The following STIM1 variants were observed in gnomAD, a reference collection of about 807,000 sequenced individuals.
STIM1 encodes the protein stromal interaction molecule 1.
Under a neutral mutation model 74.7 loss-of-function variants are expected in STIM1, and 25 were observed. The observed-to-expected ratio is 0.33, with a 90% CI of 0.24 to 0.47. The LOEUF is 0.47. STIM1 is among the 20% of genes least tolerant of loss of function. The pLI, the probability that STIM1 is intolerant of heterozygous loss-of-function variation, is 1.00. For synonymous variants in STIM1, 328 were observed against 348.8 expected, an observed-to-expected ratio of 0.94 and a Z score of 0.66; for missense variants, 728 against 920.8, an observed-to-expected ratio of 0.79 and a Z score of 2.71.
At chr11:3,911,820 C>T (rs1172587195) in intron 1 of STIM1, among the ~76,000 whole-genome samples, 1 of 152,186 alleles carries the variant, frequency 6.6e-6, no homozygotes, top group African/African-American at 2.4e-5. Context: ...CTTTATATGT[C>T]TCAGTTATCT....
chr11:4,070,285 G>A, intron 6 of STIM1, 82 bp downstream of exon 6: 2 of 1,534,014 alleles, frequency 1.3e-6, no homozygotes, highest in Non-Finnish European at 1.8e-6. Flanking sequence ...GAGCCACTTG[G>A]CCCCTGAGAC....
At chr11:3,980,966 T>C (rs1435214121) in intron 2 of STIM1, among the ~76,000 whole-genome samples, 1 of 152,210 alleles carries the variant, frequency 6.6e-6, no homozygotes, top group Non-Finnish European at 1.5e-5. Flanking sequence ...TGAGAACTAC[T>C]GGCCTAGATT....
chr11:3,969,684 T>C (rs10835402), intron 2 of STIM1, among the ~76,000 whole-genome samples: 37,294 of 152,100 alleles, frequency 0.25, 5,680 homozygotes, highest in South Asian at 0.45. Context: ...AGCAAAGCTG[T>C]AGAGGTAGTA....
At chr11:3,983,089 G>T (rs1347262992) in intron 2 of STIM1, among the ~76,000 whole-genome samples, 1 of 152,044 alleles carries the variant, frequency 6.6e-6, no homozygotes, top group Non-Finnish European at 1.5e-5. Context: ...GCACCACCAC[G>T]CCTGGCTAAT....
intron 1 of STIM1, among the ~76,000 whole-genome samples, chr11:3,910,002 A>G (rs771463347): frequency 3.3e-5 from 5 of 152,120 alleles, no homozygotes; most frequent in Non-Finnish European, 7.4e-5. Flanking sequence ...AGGTGACAAA[A>G]TCATTCCCAG....
At chr11:3,897,211 C>A (rs1394698291) in intron 1 of STIM1, among the ~76,000 whole-genome samples, 1 of 152,152 alleles carries the variant, frequency 6.6e-6, no homozygotes, top group Admixed American at 6.5e-5. Flanking sequence ...CTTGTGGCAA[C>A]CAAATCTGGC....
chr11:3,908,552 C>T (rs2092506876), intron 1 of STIM1, among the ~76,000 whole-genome samples: 1 of 146,446 alleles, frequency 6.8e-6, no homozygotes, highest in East Asian at 2.0e-4. Context: ...GTGGAGCTTG[C>T]AGTAAGCTGA....
At chr11:4,023,782 T>TA in intron 2 of STIM1, 91 bp from the exon 3 acceptor site, 1 of 865,218 alleles carries the variant, frequency 1.2e-6, no homozygotes, top group South Asian at 1.4e-5. Context: ...TGGAATGTGT[T>TA]ATGGCTAGCT....
intron 3 of STIM1, among the ~76,000 whole-genome samples, chr11:4,039,262 A>C (rs574430587): frequency 6.6e-6 from 1 of 152,242 alleles, no homozygotes; most frequent in East Asian, 1.9e-4. Context: ...ACTGTACTTC[A>C]GCCTGGGTGA....
chr11:4,048,770 G>A (rs2094214041), intron 3 of STIM1, among the ~76,000 whole-genome samples: 1 of 151,680 alleles, frequency 6.6e-6, no homozygotes, highest in South Asian at 2.1e-4. Context: ...GTCTCGCTCT[G>A]TCGCCCAGGC....
At chr11:3,962,410 A>G (rs922626030) in intron 1 of STIM1, among the ~76,000 whole-genome samples, 1 of 151,880 alleles carries the variant, frequency 6.6e-6, no homozygotes, top group African/African-American at 2.4e-5. Context: ...GCTGCAAAAG[A>G]CATGATTTCA....
rs185052695 is a variant in STIM1, at chr11:4,078,752, G to A, written c.970-3432G>A. On this transcript the variant is annotated intron_variant, in intron 7 of 12. Transcript: ENST00000526596. ...CACCTGGCTAATTTTTGTATTTTTA[G>A]TAGAGAAGGGGTTTCACCATGTTGG... is the stretch of plus-strand genomic sequence containing the variant. Among the ~76,000 whole-genome samples, 358 of 151,620 alleles carry A rather than the reference G, an allele frequency of 2.4e-3. 1 individual carries two copies. The highest frequency in any genetic ancestry group is 8.0e-3 in the African/African-American group (332 of 41,412).
intron 2 of STIM1, among the ~76,000 whole-genome samples, chr11:4,004,350 A>G (rs2093754253): frequency 6.6e-6 from 1 of 151,942 alleles, no homozygotes; most frequent in Non-Finnish European, 1.5e-5. Flanking sequence ...ACAAGGCTAC[A>G]GTAACCAAAA....
intron 2 of STIM1, among the ~76,000 whole-genome samples, chr11:3,984,994 G>T (rs551416749): frequency 1.3e-5 from 2 of 152,146 alleles, no homozygotes; most frequent in Non-Finnish European, 2.9e-5. Context: ...CAGCCAGCAC[G>T]CAGGCAAGGG....
intron 3 of STIM1, among the ~76,000 whole-genome samples, chr11:4,040,573 G>A (rs139767438): frequency 1.3e-3 from 205 of 152,292 alleles, no homozygotes; most frequent in Middle Eastern, 6.8e-3. Flanking sequence ...TTCCACTGCC[G>A]GTTTTCCCAT....
chr11:4,000,421 G>A (rs1454605182), intron 2 of STIM1, among the ~76,000 whole-genome samples: 18 of 151,952 alleles, frequency 1.2e-4, no homozygotes, highest in South Asian at 4.2e-4. Context: ...CAGCATTCGC[G>A]GATCATGAAA....
intron 1 of STIM1, among the ~76,000 whole-genome samples, chr11:3,959,053 AAC>A (rs1244194498): frequency 6.6e-6 from 1 of 152,110 alleles, no homozygotes; most frequent in South Asian, 2.1e-4. Context: ...TTATCTCTTG[AAC>A]TTCATGGTCC....
At chr11:4,047,858 A>G (rs1357215703) in intron 3 of STIM1, among the ~76,000 whole-genome samples, 2 of 143,234 alleles carry the variant, frequency 1.4e-5, no homozygotes, top group Non-Finnish European at 3.0e-5. Flanking sequence ...TCACTCTGTC[A>G]CCCAGGCTGG....
chr11:3,992,081 GTTTTTTTGT>G (rs1243862410), intron 2 of STIM1, among the ~76,000 whole-genome samples: 7 of 91,990 alleles, frequency 7.6e-5, no homozygotes, highest in South Asian at 4.0e-4. Context: ...GCCAACATCT[GTTTTTTTGT>G]TTTTTTTTTT....
Sources: gnomAD v4.1 joint callset for allele counts (sites outside exome capture counted in the v4.1 genomes callset) on GRCh38, gnomAD v4.1.1 for gene constraint, MANE v1.5 for transcripts, NCBI Gene and HGNC (gene_info 2026-07-23, HGNC 2026-07-21) for gene names.